Variants in NAV3 observed in about 807,000 individuals in gnomAD.
NAV3 encodes the protein pore membrane and/or filament interacting like protein 1.
Under a neutral mutation model 244.7 loss-of-function variants are expected in NAV3, and 87 were observed. The observed-to-expected ratio is 0.36, with a 90% CI of 0.30 to 0.42. NAV3 has a LOEUF of 0.42. NAV3 is among the 20% of genes least tolerant of loss of function. NAV3 has a pLI of 1.00. For synonymous variants in NAV3, 1,126 were observed against 1,042.2 expected, an observed-to-expected ratio of 1.08 and a Z score of -1.55; for missense variants, 2,663 against 2,893.3, an observed-to-expected ratio of 0.92 and a Z score of 1.83.
intron 2 of NAV3, among the ~76,000 whole-genome samples, chr12:77,758,145 G>T (rs1382713312): frequency 1.3e-5 from 2 of 152,006 alleles, no homozygotes; most frequent in Admixed American, 1.3e-4. Context: ...TGAATAAATT[G>T]CATTTCGTCA....
At chr12:77,944,753 G>T (rs1009877822) in intron 3 of NAV3, among the ~76,000 whole-genome samples, 2 of 152,116 alleles carry the variant, frequency 1.3e-5, no homozygotes, top group African/African-American at 4.8e-5. Flanking sequence ...TGTGATAGAG[G>T]TATAGGAGTC....
At chr12:77,794,853 T>C (rs1358046446) in intron 2 of NAV3, among the ~76,000 whole-genome samples, 1 of 152,248 alleles carries the variant, frequency 6.6e-6, no homozygotes, top group Non-Finnish European at 1.5e-5. Context: ...ATGGCAAACT[T>C]AATTGATAGA....
At chr12:77,685,600 G>A (rs967995577) in intron 2 of NAV3, among the ~76,000 whole-genome samples, 9 of 151,482 alleles carry the variant, frequency 5.9e-5, no homozygotes, top group East Asian at 1.9e-4. Context: ...CAATTTTCCC[G>A]TTTTCAAGAG....
At chr12:77,586,176 A>T (rs1443398820) in intron 2 of NAV3, among the ~76,000 whole-genome samples, 1 of 128,198 alleles carries the variant, frequency 7.8e-6, no homozygotes, top group Non-Finnish European at 1.7e-5. Flanking sequence ...AAAGAAAAAA[A>T]AAATTGCTGT....
intron 14 of NAV3, among the ~76,000 whole-genome samples, chr12:78,118,973 G>C (rs1955544603): frequency 6.6e-6 from 1 of 152,116 alleles, no homozygotes; most frequent in Non-Finnish European, 1.5e-5. Flanking sequence ...TTTTTAAAAA[G>C]AGTTGCAAAA....
intron 2 of NAV3, among the ~76,000 whole-genome samples, chr12:77,772,280 C>T (rs1030205236): frequency 6.6e-6 from 1 of 152,022 alleles, no homozygotes; most frequent in African/African-American, 2.4e-5. Context: ...GCTTTGTATG[C>T]TCTGAGCAAC....
intron 1 of NAV3, among the ~76,000 whole-genome samples, chr12:77,918,026 A>G (rs892370359): frequency 2.0e-5 from 3 of 152,102 alleles, no homozygotes; most frequent in Non-Finnish European, 4.4e-5. Flanking sequence ...GTTTGCCAGC[A>G]GTAGTGTCAA....
intron 5 of NAV3, among the ~76,000 whole-genome samples, chr12:77,973,818 C>T (rs1893215198): frequency 6.6e-6 from 1 of 151,900 alleles, no homozygotes; most frequent in Non-Finnish European, 1.5e-5. Flanking sequence ...CAATTAGTTG[C>T]CTAACTCAGT....
intron 2 of NAV3, among the ~76,000 whole-genome samples, chr12:77,685,828 A>T (rs1339818340): frequency 6.6e-6 from 1 of 152,252 alleles, no homozygotes; most frequent in Non-Finnish European, 1.5e-5. Context: ...ATTTATAAAT[A>T]GAAAAATTTA....
At chr12:78,095,690 G>A (rs1374137636) in intron 12 of NAV3, among the ~76,000 whole-genome samples, 1 of 152,210 alleles carries the variant, frequency 6.6e-6, no homozygotes, top group Non-Finnish European at 1.5e-5. Context: ...CATGCAGATG[G>A]AGGAAATAAA....
chr12:77,893,436 AG>A (rs1034621960), intron 1 of NAV3, among the ~76,000 whole-genome samples: 41 of 152,202 alleles, frequency 2.7e-4, no homozygotes, highest in African/African-American at 9.4e-4. Context: ...ACACAGTTGA[AG>A]CTTATAATAC....
At chr12:78,155,843 G>T (rs895051344) in intron 22 of NAV3, among the ~76,000 whole-genome samples, 25 of 151,956 alleles carry the variant, frequency 1.6e-4, no homozygotes, top group Non-Finnish European at 2.9e-5. Context: ...TTTTAATGGG[G>T]AAGTTTGTTT....
intron 2 of NAV3, among the ~76,000 whole-genome samples, chr12:77,738,273 G>T (rs1443129749): frequency 6.6e-6 from 1 of 152,062 alleles, no homozygotes; most frequent in African/African-American, 2.4e-5. Flanking sequence ...TCAGTTAGTG[G>T]AGTGAAAATG....
intron 3 of NAV3, among the ~76,000 whole-genome samples, chr12:77,965,816 C>G (rs1038941397): frequency 6.6e-6 from 1 of 152,284 alleles, no homozygotes; most frequent in African/African-American, 2.4e-5. Flanking sequence ...CTCCATCTAT[C>G]TATCTTTTGA....
chr12:77,997,934 A>G (rs1482845447), intron 6 of NAV3, among the ~76,000 whole-genome samples: 1 of 152,228 alleles, frequency 6.6e-6, no homozygotes, highest in Admixed American at 6.5e-5. Flanking sequence ...TGCCTTACAC[A>G]TTGAAAAGAA....
At chr12:78,139,178 G>A (rs950983962) in intron 19 of NAV3, among the ~76,000 whole-genome samples, 1 of 152,090 alleles carries the variant, frequency 6.6e-6, no homozygotes, top group Admixed American at 6.6e-5. Flanking sequence ...AGAAAACTGG[G>A]GGTTCTTCTT....
intron 1 of NAV3, among the ~76,000 whole-genome samples, chr12:77,897,690 CT>C (rs111953211): frequency 0.012 from 1,760 of 143,008 alleles, 48 homozygotes; most frequent in East Asian, 0.078. Context: ...CCTATTTTGT[CT>C]TTTTTTTTTT....
intron 2 of NAV3, among the ~76,000 whole-genome samples, chr12:77,689,629 C>T (rs1021292229): frequency 6.6e-6 from 1 of 151,750 alleles, no homozygotes; most frequent in Non-Finnish European, 1.5e-5. Flanking sequence ...TGTAGAAATA[C>T]TATTCTAGTG....
In NAV3 at chr12:78,181,014, C is replaced by T; in HGVS notation, c.5661C>T (p.Asn1887=). 1 of 1,613,070 alleles carries T rather than the reference C, an allele frequency of 6.2e-7. No homozygotes were observed. The highest frequency in any genetic ancestry group is 8.5e-7 in the Non-Finnish European group (1 of 1,179,306). The part of the protein sequence containing the change: ...SSRQSLGLSL[N]NLNITEAVSS... The stretch of plus-strand genomic sequence containing the variant: ...GGCAGTCATTAGGACTTTCTCTAAA[C>T]AATTTGAACATCACAGAGGCTGTTA... Residue 1887 remains asparagine, a synonymous_variant, in exon 30 of 40, where the codon AAC becomes AAT. Transcript: ENST00000397909.
Sources: gnomAD v4.1 joint callset for allele counts (sites outside exome capture counted in the v4.1 genomes callset) on GRCh38, gnomAD v4.1.1 for gene constraint, MANE v1.5 for transcripts, NCBI Gene and HGNC (gene_info 2026-07-23, HGNC 2026-07-21) for gene names.